Variants in TSKS observed in about 807,000 individuals in gnomAD.
TSKS encodes the protein testis-specific serine kinase substrate.
In TSKS, 27 loss-of-function variants were observed where a neutral mutation model predicts 68.0. The observed-to-expected ratio is 0.40, with a 90% CI of 0.29 to 0.55. TSKS has a LOEUF of 0.55. TSKS is among the 20% of genes least tolerant of loss of function. The pLI, the probability that TSKS is intolerant of heterozygous loss-of-function variation, is 0.53. For synonymous variants in TSKS, 331 were observed against 340.4 expected, an observed-to-expected ratio of 0.97 and a Z score of 0.30; for missense variants, 806 against 776.0, an observed-to-expected ratio of 1.04 and a Z score of -0.46.
intron 2 of TSKS, among the ~76,000 whole-genome samples, chr19:49,750,128 C>A (rs188641892): frequency 1.7e-4 from 26 of 152,188 alleles, no homozygotes; most frequent in Admixed American, 3.3e-4. Flanking sequence ...TGACATGGAG[C>A]CACCATACTC....
At chr19:49,751,492 T>A (rs1047547030) in intron 2 of TSKS, among the ~76,000 whole-genome samples, 1 of 151,976 alleles carries the variant, frequency 6.6e-6, no homozygotes, top group African/African-American at 2.4e-5. Flanking sequence ...CTTGAGGAAT[T>A]TTAACTTATC....
At position 49,750,213 on chromosome 19, in the gene TSKS, G is replaced by A. The variant is rs180727726; in HGVS notation, c.400-1744C>T. ...TGTTATTCAAGCTGTGTTATTTTGT[G>A]TTTTTTTGTTACAGTAGTCAAATGT... On this transcript the variant is annotated intron_variant, in intron 2 of 10. Coordinates refer to ENST00000246801, the MANE Select transcript of TSKS (RefSeq NM_021733.2). Among the ~76,000 whole-genome samples the A allele has an allele frequency of 3.0e-3, 442 of 148,686 alleles. 5 individuals carry two copies. The highest frequency in any genetic ancestry group is 9.8e-3 in the African/African-American group (396 of 40,540).
chr19:49,747,527 A>C, intron 4 of TSKS, 55 bp from the exon 5 acceptor site: 1 of 1,577,464 alleles, frequency 6.3e-7, no homozygotes, highest in Non-Finnish European at 8.7e-7. Context: ...TCTGCCTCCC[A>C]ACCCTTAGCC....
chr19:49,744,468 C>T (rs1489240656), intron 7 of TSKS, 64 bp from the exon 8 acceptor site: 1 of 1,538,566 alleles, frequency 6.5e-7, no homozygotes, highest in African/African-American at 1.4e-5. Flanking sequence ...GGCAAGACTC[C>T]ACCCATTATT....
At position 49,741,733 on chromosome 19, in the gene TSKS, A is replaced by G. The variant is rs556440943; in HGVS notation, c.1497+152T>C. 5.9e-6 allele frequency: 6 copies of G among 1,022,970 alleles called. No individual in the cohort carries two copies. The South Asian group carries it at 7.3e-5, about 12-fold the overall frequency. The allele number at this position is 1,022,970 out of a possible 1,614,324, so 63.4% of individuals were successfully genotyped here. A position where few individuals can be genotyped will look rare whatever the true frequency, so the allele number is the denominator to read the frequency against. On this transcript the variant is annotated intron_variant, in intron 9 of 10. Transcript: ENST00000246801. Reference sequence around the variant, plus strand: ...AAACTGCTTGTCCATCTCCCCATGCATTAGGGCCAAGTCCTCCCCCAGTGC... The same window carrying G: ...AAACTGCTTGTCCATCTCCCCATGCGTTAGGGCCAAGTCCTCCCCCAGTGC...
At position 49,743,453 on chromosome 19, in the gene TSKS, G is replaced by A. The variant is rs113068670; in HGVS notation, c.1361+778C>T. Among the ~76,000 whole-genome samples the A allele has an allele frequency of 8.5e-3, 1,284 of 150,626 alleles. 15 individuals carry two copies. The highest frequency in any genetic ancestry group is 0.028 in the African/African-American group (1,137 of 40,920). The stretch of plus-strand genomic sequence containing the variant: ...GGCTGGAGTGCAGTAGCGTGATCTC[G>A]GCTCACTGCAACCTCCGCCTCCCGG... On this transcript the variant is annotated intron_variant, in intron 8 of 10. Coordinates refer to ENST00000246801, the MANE Select transcript of TSKS (RefSeq NM_021733.2).
At chr19:49,759,370 G>A (rs958967402) in intron 2 of TSKS, among the ~76,000 whole-genome samples, 7 of 150,972 alleles carry the variant, frequency 4.6e-5, no homozygotes, top group Non-Finnish European at 7.4e-5. Flanking sequence ...TCGGGAGGCT[G>A]AGGCAGAAGA....
intron 6 of TSKS, among the ~76,000 whole-genome samples, 192 bp downstream of exon 6, chr19:49,746,278 A>T (rs1384032035): frequency 6.9e-6 from 1 of 145,368 alleles, no homozygotes; most frequent in African/African-American, 2.6e-5. Context: ...GTCTCTACCC[A>T]CCTTCGTTCC....
chr19:49,740,149 C>G lies in TSKS; in HGVS notation c.1532G>C (p.Arg511Thr), dbSNP rs138989788. Residue 511 changes from arginine to threonine, a missense_variant, in exon 10 of 11, where the codon AGG (arginine) becomes ACG (threonine). Transcript: ENST00000246801. Reference protein sequence around the residue: ...LERQALAKHVRAEALSSTLRL... With the variant: ...LERQALAKHVTAEALSSTLRL... ...AAGGGTGGAGCTCAGGGCCTCTGCC[C>G]TGACGTGTTTGGCTAAGGCCTGGCG... 2.7e-4 allele frequency: 442 copies of G among 1,613,972 alleles called. 2 individuals are homozygous for G. The African/African-American group carries it at 5.1e-3, about 19-fold the overall frequency.
chr19:49,742,496 CTTTTTTTTTT>C (rs978089309), intron 8 of TSKS, among the ~76,000 whole-genome samples: 1 of 101,218 alleles, frequency 9.9e-6, no homozygotes, highest in Non-Finnish European at 1.9e-5. Context: ...GGGCCCGGCC[CTTTTTTTTTT>C]TTTTTTTTTT....
chr19:49,746,670 C>T lies in TSKS; in HGVS notation c.792G>A (p.Pro264=), dbSNP rs763992809. Reference sequence around the variant, plus strand: ...GGCTGTTCCAGGAGAGGCCAGCCTCCGGCTTCTGCTTCTCCTCCGGCTCCT... The same window carrying T: ...GGCTGTTCCAGGAGAGGCCAGCCTCTGGCTTCTGCTTCTCCTCCGGCTCCT... ...EKQEPEEKQK[P]EAGLSWNSLG... is the part of the protein sequence containing the mutation. The change falls in exon 6 of 11, where the codon CCG becomes CCA. Residue 264 remains proline (P), a synonymous_variant. Transcript: ENST00000246801. 13 of 1,605,652 alleles carry T rather than the reference C, an allele frequency of 8.1e-6. No individual in the cohort carries two copies. Among genetic ancestry groups the T allele is most frequent in the East Asian group, 2.2e-5 (1 of 44,844 alleles).
intron 1 of TSKS, among the ~76,000 whole-genome samples, chr19:49,762,716 C>T (rs979472115): frequency 2.0e-5 from 3 of 152,168 alleles, no homozygotes; most frequent in African/African-American, 4.8e-5. Flanking sequence ...CGTGAGCCAC[C>T]GTGCCCGACC....
At position 49,742,654 on chromosome 19, in the gene TSKS, C is replaced by T. The variant is rs546538160; in HGVS notation, c.1362-634G>A. On this transcript the variant is annotated intron_variant, in intron 8 of 10. Coordinates refer to ENST00000246801, the MANE Select transcript of TSKS (RefSeq NM_021733.2). ...CAGGTATTACAGGCACCCGCCAGCA[C>T]GCCTAGCTAATTTTTGTGTTTTTAG... Among the ~76,000 whole-genome samples, 27 of 152,032 alleles carry T rather than the reference C, an allele frequency of 1.8e-4. No homozygotes were observed. In the South Asian group the frequency reaches 2.9e-3, roughly 16 times the overall value.
chr19:49,761,502 C>T (rs911102424), intron 2 of TSKS, among the ~76,000 whole-genome samples: 1 of 152,204 alleles, frequency 6.6e-6, no homozygotes, highest in Admixed American at 6.5e-5. Context: ...CTGGTACCCC[C>T]CAGCCTGGCT....
chr19:49,745,581 C>T (rs1193646615), intron 6 of TSKS, among the ~76,000 whole-genome samples, 185 bp from the exon 7 acceptor site: 1 of 152,082 alleles, frequency 6.6e-6, no homozygotes, highest in African/African-American at 2.4e-5. Context: ...GTCGTGTCCT[C>T]CAGAGCCCCG....
intron 8 of TSKS, among the ~76,000 whole-genome samples, chr19:49,743,304 C>A (rs2084267505): frequency 6.6e-6 from 1 of 151,732 alleles, no homozygotes; most frequent in African/African-American, 2.4e-5. Flanking sequence ...GTCTCAAACT[C>A]CCGACCTCAG....
rs2084255140 is a variant in TSKS at position 49,741,914 on chromosome 19, T to C, written c.1468A>G (p.Ser490Gly). Residue 490 changes from serine to glycine, a missense_variant, in exon 9 of 11, where the codon AGC becomes GGC. By Grantham distance (56) the Ser-to-Gly change is moderately conservative (BLOSUM62 0). Transcript: ENST00000246801. The part of the protein sequence containing the change: ...KQRGLTPACP[S>G]CQRLHKKILE... ...ATCTTCTTGTGTAGCCTCTGACAGC[T>C]GGGACAGGCAGGAGTCAGGCCCCTC... The C allele has an allele frequency of 6.2e-7, 1 of 1,614,110 alleles. No homozygotes were observed.
rs201250046 is a variant in TSKS, at chr19:49,739,890, G to C, written c.1665C>G (p.Cys555Trp). Residue 555 changes from cysteine to tryptophan, a missense_variant, in exon 11 of 11, where the codon TGC (cysteine) becomes TGG (tryptophan). Coordinates refer to ENST00000246801, the MANE Select transcript of TSKS (RefSeq NM_021733.2). The stretch of plus-strand genomic sequence containing the variant: ...GGTTGCTGAGATGATCGTGGAGGGA[G>C]CACATCTTCAAGTGTAGATGGTCCA... ...ATLDHLHLKMCSLHDHLSNLP... is the reference protein window; with the variant it reads ...ATLDHLHLKMWSLHDHLSNLP... 335 of 1,614,012 alleles carry C rather than the reference G, an allele frequency of 2.1e-4. 3 individuals are homozygous for C. In the East Asian group the frequency reaches 7.3e-3, roughly 35 times the overall value.
Position 49,746,471 on chromosome 19 carries a change from T to G in TSKS, c.991A>C (p.Arg331=). 1.9e-6 allele frequency: 3 copies of G among 1,613,796 alleles called. No individual in the cohort carries two copies. Among genetic ancestry groups the G allele is most frequent in the Non-Finnish European group, 2.5e-6 (3 of 1,179,894 alleles). ...GCTCCGCCCCTAGGTCCCGCCCACC[T>G]CAGCTCTTCGATGCCGGTGAACAGC... ...QKLFTGIEEL[R]REVSSLTARW... Residue 331 remains arginine (R), a splice_region_variant and synonymous_variant, in exon 6 of 11, where the codon AGG becomes CGG. Transcript: ENST00000246801.
Sources: gnomAD v4.1 joint callset for allele counts (sites outside exome capture counted in the v4.1 genomes callset) on GRCh38, gnomAD v4.1.1 for gene constraint, MANE v1.5 for transcripts, NCBI Gene and HGNC (gene_info 2026-07-23, HGNC 2026-07-21) for gene names.